The following EEPD1 variants were observed in gnomAD, a reference collection of about 807,000 sequenced individuals.
EEPD1 encodes endonuclease/exonuclease/phosphatase family domain containing 1, also known as endonuclease/exonuclease/phosphatase family domain-containing protein 1.
In EEPD1, 17 loss-of-function variants were observed where a neutral mutation model predicts 46.3. That is an observed-to-expected ratio of 0.37 (90% CI 0.25 to 0.55). EEPD1 has a LOEUF of 0.55. Ranked by LOEUF, EEPD1 falls within the 20% of genes least tolerant of loss-of-function variation. The pLI is 0.83. For synonymous variants in EEPD1, 313 were observed against 315.6 expected (o/e 0.99, Z 0.09); for missense variants, 673 against 745.6 (o/e 0.90, Z 1.13).
chr7:36,203,785 A>T lies in EEPD1; in HGVS notation c.879-35200A>T, dbSNP rs954279190. 3.3e-5 allele frequency among the ~76,000 whole-genome samples: 5 copies of T among 152,224 alleles called. No individual in the cohort carries two copies. The South Asian group carries it at 6.2e-4, about 19-fold the overall frequency. Reference sequence around the variant, plus strand: ...TACAGTTTATTTACTGTTAAAATTTAGTGGATTCAGAAAAGCAAAAATAAT... The same window carrying T: ...TACAGTTTATTTACTGTTAAAATTTTGTGGATTCAGAAAAGCAAAAATAAT... On this transcript the variant is annotated intron_variant, in intron 2 of 7. Coordinates refer to ENST00000242108, the MANE Select transcript of EEPD1 (RefSeq NM_030636.3).
intron 2 of EEPD1, chr7:36,229,430 T>C (rs1392191421): frequency 6.6e-6 from 1 of 152,176 alleles, no homozygotes; most frequent in East Asian, 1.9e-4. Flanking sequence ...ATGCACAGCT[T>C]TGAGAGGGAC....
intron 3 of EEPD1, among the ~76,000 whole-genome samples, chr7:36,269,675 C>T (rs760642066): frequency 6.6e-6 from 1 of 151,700 alleles, no homozygotes; most frequent in Admixed American, 6.6e-5. Flanking sequence ...GCGGAAGGAT[C>T]GCCTGAACCC....
intron 2 of EEPD1, among the ~76,000 whole-genome samples, chr7:36,232,500 C>A (rs73338982): frequency 0.092 from 13,939 of 151,580 alleles, 1,165 homozygotes; most frequent in African/African-American, 0.22. Flanking sequence ...CTGCACCAGC[C>A]CTTGCTGGGT....
intron 2 of EEPD1, among the ~76,000 whole-genome samples, chr7:36,187,197 T>C (rs1164825506): frequency 2.0e-5 from 3 of 152,244 alleles, no homozygotes; most frequent in Non-Finnish European, 4.4e-5. Context: ...TTTAAAAATA[T>C]TAAGCGACAT....
chr7:36,208,376 T>C (rs1437244846), intron 2 of EEPD1, among the ~76,000 whole-genome samples: 1 of 152,252 alleles, frequency 6.6e-6, no homozygotes, highest in East Asian at 1.9e-4. Context: ...TTGCACAGTT[T>C]AGATGTTAAC....
intron 2 of EEPD1, among the ~76,000 whole-genome samples, chr7:36,237,578 T>A (rs1786477406): frequency 6.6e-6 from 1 of 152,240 alleles, no homozygotes; most frequent in Admixed American, 6.5e-5. Context: ...AGAGGGTTCT[T>A]GGACCTTGTG....
intron 2 of EEPD1, among the ~76,000 whole-genome samples, chr7:36,170,538 C>T (rs1785059883): frequency 6.7e-6 from 1 of 150,020 alleles, no homozygotes; most frequent in Non-Finnish European, 1.5e-5. Flanking sequence ...CAGGGACCTG[C>T]TTCTCTTTGG....
chr7:36,258,603 TC>T (rs1786863870), intron 3 of EEPD1, among the ~76,000 whole-genome samples: 1 of 152,106 alleles, frequency 6.6e-6, no homozygotes, highest in South Asian at 2.1e-4. Context: ...AGTTGGAACT[TC>T]CAGGCGGCTT....
chr7:36,222,131 C>T (rs930549294), intron 2 of EEPD1, among the ~76,000 whole-genome samples: 2 of 152,124 alleles, frequency 1.3e-5, no homozygotes, highest in Non-Finnish European at 2.9e-5. Flanking sequence ...GAACTTTTGA[C>T]TCCCCCAAAA....
rs62451588 is a variant in EEPD1 at position 36,153,561 on chromosome 7, A to T, written c.-306A>T. 0.023 allele frequency: 3,502 copies of T among 152,500 alleles called. 49 individuals carry two copies. Among genetic ancestry groups the T allele is most frequent in the Middle Eastern group, 0.066 (20 of 302 alleles). The allele number at this position is 152,500 out of a possible 1,614,324, so 9.4% of individuals were successfully genotyped here. A position where few individuals can be genotyped will look rare whatever the true frequency, so the allele number is the denominator to read the frequency against. On this transcript the variant is annotated 5_prime_UTR_variant, in exon 1 of 8. Transcript: ENST00000242108. ...GCTTCCAGGGCCTGACCAGTGACCC[A>T]CACCCGCGCGGACGCCTAGGCTGGA...
At chr7:36,155,233 T>G in intron 2 of EEPD1, 31 bp downstream of exon 2, 1 of 1,498,938 alleles carries the variant, frequency 6.7e-7, no homozygotes, top group Non-Finnish European at 8.9e-7. Flanking sequence ...GGGTGTTGGG[T>G]GTGAAGGCAA....
chr7:36,207,741 T>C (rs1209241080), intron 2 of EEPD1, among the ~76,000 whole-genome samples: 3 of 152,210 alleles, frequency 2.0e-5, no homozygotes, highest in Non-Finnish European at 4.4e-5. Context: ...GTCATCATGC[T>C]AAAGTTCAGT....
chr7:36,205,559 A>G (rs1785799136), intron 2 of EEPD1, among the ~76,000 whole-genome samples: 1 of 152,212 alleles, frequency 6.6e-6, no homozygotes, highest in Non-Finnish European at 1.5e-5. Flanking sequence ...TTGCCCATGC[A>G]GCCTGCAGGT....
chr7:36,284,836 C>T lies in EEPD1; in HGVS notation c.1176+16C>T, dbSNP rs760150444. 8 of 1,450,526 alleles carry T rather than the reference C, an allele frequency of 5.5e-6. No homozygotes were observed. Among genetic ancestry groups the T allele is most frequent in the Middle Eastern group, 1.9e-4 (1 of 5,346 alleles). The allele number at this position is 1,450,526 out of a possible 1,614,324, so 89.9% of individuals were successfully genotyped here. A position where few individuals can be genotyped will look rare whatever the true frequency, so the allele number is the denominator to read the frequency against. ...GAGGTTCAAGGTACCCGCTCCACGCCGTCTGTGACGTGGAATCTGCTTCTT... is the reference window on the plus strand; with the variant it reads ...GAGGTTCAAGGTACCCGCTCCACGCTGTCTGTGACGTGGAATCTGCTTCTT... On this transcript the variant is annotated intron_variant, in intron 5 of 7. Coordinates refer to ENST00000242108, the MANE Select transcript of EEPD1 (RefSeq NM_030636.3).
At chr7:36,250,530 C>T (rs1583466648) in intron 3 of EEPD1, among the ~76,000 whole-genome samples, 2 of 152,172 alleles carry the variant, frequency 1.3e-5, no homozygotes, top group East Asian at 1.9e-4. Context: ...TATTGGAACA[C>T]AAATGTACCC....
At chr7:36,217,995 G>T (rs1163429262) in intron 2 of EEPD1, among the ~76,000 whole-genome samples, 1 of 152,198 alleles carries the variant, frequency 6.6e-6, no homozygotes, top group African/African-American at 2.4e-5. Context: ...TGTGTGTTCA[G>T]TTAATCACTC....
chr7:36,277,051 A>G (rs181173662), intron 3 of EEPD1, among the ~76,000 whole-genome samples: 82 of 152,392 alleles, frequency 5.4e-4, no homozygotes, highest in Non-Finnish European at 2.2e-4. Flanking sequence ...GCTGCTCTAA[A>G]TAAAACAATT....
intron 6 of EEPD1, among the ~76,000 whole-genome samples, chr7:36,290,759 C>G (rs1358308808): frequency 6.6e-6 from 1 of 152,130 alleles, no homozygotes; most frequent in Admixed American, 6.6e-5. Context: ...TCAGTGGGGA[C>G]TGGTTCCTGT....
At chr7:36,226,862 C>A (rs1786239570) in intron 2 of EEPD1, among the ~76,000 whole-genome samples, 1 of 151,952 alleles carries the variant, frequency 6.6e-6, no homozygotes, top group Non-Finnish European at 1.5e-5. Flanking sequence ...TATAATAAAT[C>A]ATTTAAACAA....
Sources: allele counts gnomAD v4.1 joint callset (sites outside exome capture counted in the v4.1 genomes callset), GRCh38; gene constraint gnomAD v4.1.1; transcripts MANE v1.5; gene names NCBI Gene and HGNC (gene_info 2026-07-23, HGNC 2026-07-21).